Variants in NDRG1 observed in about 807,000 individuals in gnomAD.
The protein encoded by NDRG1 is N-myc downstream regulated 1, also known as protein NDRG1.
In NDRG1, 32 loss-of-function variants were observed where a neutral mutation model predicts 56.9. The ratio of observed to expected loss-of-function variants is 0.56; its 90% CI spans 0.42 to 0.76. The LOEUF is 0.76. NDRG1 is among the 30% of genes least tolerant of loss of function. The probability of loss-of-function intolerance (pLI) is 0.00; values close to 1 mark genes in which losing one functional copy is unlikely to be tolerated. For missense variants in NDRG1, 507 were observed against 545.7 expected, an observed-to-expected ratio of 0.93 and a Z score of 0.71; for synonymous variants, 211 against 204.1, an observed-to-expected ratio of 1.03 and a Z score of -0.29.
intron 3 of NDRG1, among the ~76,000 whole-genome samples, chr8:133,265,988 C>T (rs1014728387): frequency 6.6e-6 from 1 of 152,258 alleles, no homozygotes; most frequent in Non-Finnish European, 1.5e-5. Context: ...TCCCACAGGG[C>T]AGTTGGGGAG....
intron 3 of NDRG1, among the ~76,000 whole-genome samples, chr8:133,271,135 C>T (rs1473905082): frequency 6.6e-6 from 1 of 152,208 alleles, no homozygotes; most frequent in Non-Finnish European, 1.5e-5. Flanking sequence ...TAATCCCCTC[C>T]TTCCCAGCAG....
chr8:133,248,071 C>T (rs2130689973), intron 11 of NDRG1, 145 bp from the exon 12 acceptor site: 1 of 772,856 alleles, frequency 1.3e-6, no homozygotes, highest in East Asian at 2.6e-5. Flanking sequence ...CTTCATTCTC[C>T]TTTGATCTTA....
intron 6 of NDRG1, 93 bp from the exon 7 acceptor site, chr8:133,258,519 G>T: frequency 8.1e-7 from 1 of 1,235,318 alleles, no homozygotes; most frequent in Non-Finnish European, 1.2e-6. Context: ...TGACCGCCTG[G>T]CTAGGCAATG....
chr8:133,239,348 A>G, intron 15 of NDRG1: 1 of 686,278 alleles, frequency 1.5e-6, no homozygotes, highest in Non-Finnish European at 2.4e-6. Flanking sequence ...GAGTGACTTG[A>G]ACCCAGATCT....
intron 7 of NDRG1, 57 bp downstream of exon 7, chr8:133,258,309 C>T: frequency 6.5e-7 from 1 of 1,535,784 alleles, no homozygotes; most frequent in Non-Finnish European, 8.9e-7. Flanking sequence ...CCAATGTCTT[C>T]CTTCATCTTA....
In NDRG1 at chr8:133,238,717, T is replaced by C; in HGVS notation, c.*161A>G. On this transcript the variant is annotated 3_prime_UTR_variant, in exon 16 of 16. Coordinates refer to ENST00000323851, the MANE Select transcript of NDRG1 (RefSeq NM_006096.4). ...CCCGCCTTTGGAGAGGGCACCCACG[T>C]AATAGACCTCATTTGTCTCCACCAG... 5 of 904,364 alleles carry C rather than the reference T, an allele frequency of 5.5e-6. No homozygotes were observed. The South Asian group carries it at 8.9e-5, about 16-fold the overall frequency. The allele number at this position is 904,364 out of a possible 1,614,324, so 56.0% of individuals were successfully genotyped here. A position where few individuals can be genotyped will look rare whatever the true frequency, so the allele number is the denominator to read the frequency against.
In NDRG1 at chr8:133,284,254, C is replaced by T. The variant is rs1157711671; in HGVS notation, c.58G>A (p.Gly20Arg). Residue 20 changes from glycine (G) to arginine (R), a missense_variant, in exon 2 of 16, where the codon GGG becomes AGG. Transcript: ENST00000323851. ...CCAGGAAGATCTCCACTCACCTCCC[C>T]TTTCTCCACCAAAGGCTTCACCTCA... ...LAEVKPLVEK[G>R]ETITGLLQEF... The T allele has an allele frequency of 6.2e-7, 1 of 1,614,070 alleles. No individual in the cohort carries two copies. The highest frequency in any genetic ancestry group is 2.2e-5 in the East Asian group (1 of 44,898).
Position 133,250,131 on chromosome 8 carries a change from T to C in NDRG1, c.698+309A>G, listed in dbSNP as rs188971194. Among the ~76,000 whole-genome samples the C allele has an allele frequency of 1.2e-4, 19 of 152,342 alleles. No individual in the cohort carries two copies. In the East Asian group the frequency reaches 3.5e-3, roughly 28 times the overall value. ...AGCTCTTCTTACATTTGGCCTTTCG[T>C]GAAGGTCAGCAGCGGGCACACATAT... On this transcript the variant is annotated intron_variant, in intron 10 of 15. Transcript: ENST00000323851.
chr8:133,261,476 A>G (rs947968469), intron 5 of NDRG1, among the ~76,000 whole-genome samples: 6 of 152,174 alleles, frequency 3.9e-5, no homozygotes, highest in Admixed American at 1.3e-4. Flanking sequence ...TCCATGCCTC[A>G]ATATGTTTGT....
intron 8 of NDRG1, 53 bp downstream of exon 8, chr8:133,256,724 A>G (rs1207728919): frequency 4.5e-6 from 7 of 1,556,366 alleles, no homozygotes; most frequent in Non-Finnish European, 5.3e-6. Context: ...GGCTGTGTGC[A>G]CCTGTCCCTC....
At chr8:133,294,184 A>G (rs1858600069) in intron 1 of NDRG1, among the ~76,000 whole-genome samples, 1 of 151,984 alleles carries the variant, frequency 6.6e-6, no homozygotes, top group African/African-American at 2.4e-5. Context: ...GTTGTCATGG[A>G]AAAAAAACAA....
At chr8:133,250,152 C>T (rs552273066) in intron 10 of NDRG1, among the ~76,000 whole-genome samples, 2 of 152,336 alleles carry the variant, frequency 1.3e-5, no homozygotes, top group East Asian at 3.9e-4. Context: ...AGCGGGCACA[C>T]ATATTTACTC....
chr8:133,257,284 C>CAT (rs1856428303), intron 7 of NDRG1, among the ~76,000 whole-genome samples: 2 of 89,784 alleles, frequency 2.2e-5, no homozygotes, highest in African/African-American at 1.1e-4. Context: ...CACATGCATA[C>CAT]ACACACACAC....
intron 10 of NDRG1, chr8:133,249,203 TA>T: frequency 3.4e-6 from 1 of 291,660 alleles, no homozygotes; most frequent in Non-Finnish European, 6.7e-6. Flanking sequence ...ATGATCTCTT[TA>T]AAACTCAGGC....
At chr8:133,264,507 G>T in intron 4 of NDRG1, 40 bp downstream of exon 4, 1 of 1,592,282 alleles carries the variant, frequency 6.3e-7, no homozygotes, top group South Asian at 1.1e-5. Flanking sequence ...CACTCTCTTG[G>T]GAACCGGCTG....
intron 2 of NDRG1, chr8:133,281,051 T>A (rs778873404): frequency 6.6e-6 from 1 of 152,170 alleles, no homozygotes; most frequent in Non-Finnish European, 1.5e-5. Context: ...AGCATTTCCC[T>A]CAATCTAAAA....
At chr8:133,273,031 A>G (rs1857273004) in intron 3 of NDRG1, among the ~76,000 whole-genome samples, 1 of 152,228 alleles carries the variant, frequency 6.6e-6, no homozygotes, top group East Asian at 1.9e-4. Context: ...TCTGCTGAAC[A>G]AGAGGCCTTG....
intron 8 of NDRG1, chr8:133,255,228 C>A (rs973356240): frequency 6.6e-6 from 3 of 452,992 alleles, no homozygotes; most frequent in African/African-American, 2.0e-5. Flanking sequence ...CTGGCCCTTG[C>A]CTGCCACAGC....
chr8:133,271,744 C>T (rs1857195606), intron 3 of NDRG1, among the ~76,000 whole-genome samples: 1 of 123,736 alleles, frequency 8.1e-6, no homozygotes, highest in Non-Finnish European at 1.6e-5. Context: ...CACACTACTA[C>T]ACTCCAGCAT....
Sources: gnomAD v4.1 joint callset for allele counts (sites outside exome capture counted in the v4.1 genomes callset) on GRCh38, gnomAD v4.1.1 for gene constraint, MANE v1.5 for transcripts, NCBI Gene and HGNC (gene_info 2026-07-23, HGNC 2026-07-21) for gene names.